Variants in TOP6BL observed in about 807,000 individuals in gnomAD.
TOP6BL encodes the protein type 2 DNA topoisomerase 6 subunit B-like.
At chr11:66,843,063 C>G in the TOP6BL span, 2 of 1,571,538 alleles carry the variant, frequency 1.3e-6, no homozygotes, top group Non-Finnish European at 1.7e-6. Context: ...TCGGAAGCCG[C>G]CTGGAGGTAA....
At chr11:66,793,812 A>G in the TOP6BL span, among the ~76,000 whole-genome samples, 1 of 151,938 alleles carries the variant, frequency 6.6e-6, no homozygotes, top group South Asian at 2.1e-4. Flanking sequence ...GTGTACTTAT[A>G]AAAAACATTA....
the TOP6BL span, chr11:66,771,494 A>G: frequency 6.6e-6 from 1 of 152,464 alleles, no homozygotes; most frequent in Non-Finnish European, 1.5e-5. Flanking sequence ...ACTTCAAGAG[A>G]TCCTCTGCAC....
chr11:66,843,198 C>T, the TOP6BL span: 7 of 1,611,076 alleles, frequency 4.3e-6, no homozygotes, highest in Non-Finnish European at 2.5e-6. Flanking sequence ...AGGTCTCCAA[C>T]CTGTCAGAGT....
At chr11:66,818,990 G>C in the TOP6BL span, among the ~76,000 whole-genome samples, 2 of 152,160 alleles carry the variant, frequency 1.3e-5, no homozygotes, top group African/African-American at 2.4e-5. Flanking sequence ...ACACAGTAAG[G>C]CTCTCCCATC....
the TOP6BL span, among the ~76,000 whole-genome samples, chr11:66,787,012 C>A: frequency 6.6e-6 from 1 of 151,686 alleles, no homozygotes; most frequent in East Asian, 1.9e-4. Context: ...TGGCTCACTG[C>A]AACCTCCACC....
chr11:66,832,909 G>T, the TOP6BL span, among the ~76,000 whole-genome samples: 1 of 152,136 alleles, frequency 6.6e-6, no homozygotes, highest in Non-Finnish European at 1.5e-5. Flanking sequence ...GTTTCTAGAG[G>T]AGAGTGCTTC....
At chr11:66,756,694 T>A in the TOP6BL span, among the ~76,000 whole-genome samples, 1 of 152,112 alleles carries the variant, frequency 6.6e-6, no homozygotes, top group East Asian at 1.9e-4. Flanking sequence ...CAGAAGATTA[T>A]CTTTTTAAAA....
chr11:66,796,429 C>G, the TOP6BL span: 1 of 1,222,038 alleles, frequency 8.2e-7, no homozygotes, highest in South Asian at 1.3e-5. Context: ...GAGACCTTTA[C>G]TGTGTAGGAC....
the TOP6BL span, among the ~76,000 whole-genome samples, chr11:66,799,549 T>TA: frequency 1.4e-4 from 17 of 118,886 alleles, no homozygotes; most frequent in South Asian, 4.3e-3. Flanking sequence ...CCATCTCTAC[T>TA]AAAAATACAA....
chr11:66,754,249 C>G, the TOP6BL span, among the ~76,000 whole-genome samples: 1 of 152,108 alleles, frequency 6.6e-6, no homozygotes, highest in Non-Finnish European at 1.5e-5. Context: ...GGAGATTTTC[C>G]CTTGCATTCT....
At chr11:66,813,218 TATC>T in the TOP6BL span, among the ~76,000 whole-genome samples, 1 of 152,236 alleles carries the variant, frequency 6.6e-6, no homozygotes, top group Non-Finnish European at 1.5e-5. Flanking sequence ...GGACAGGTAT[TATC>T]TGGATATTTG....
the TOP6BL span, among the ~76,000 whole-genome samples, chr11:66,829,466 T>G: frequency 6.6e-6 from 1 of 151,796 alleles, no homozygotes; most frequent in Non-Finnish European, 1.5e-5. Context: ...TCCCAGCTAC[T>G]TAGGAGGCTG....
the TOP6BL span, among the ~76,000 whole-genome samples, chr11:66,787,636 C>G: frequency 1.3e-5 from 2 of 149,866 alleles, no homozygotes; most frequent in Admixed American, 1.3e-4. Flanking sequence ...ATAAGCATCA[C>G]TTGAACCCAG....
chr11:66,760,378 G>A, the TOP6BL span, among the ~76,000 whole-genome samples: 2 of 151,094 alleles, frequency 1.3e-5, 1 homozygote, highest in Non-Finnish European at 3.0e-5. Flanking sequence ...GAACCCAGGA[G>A]GCAGAGGCTG....
chr11:66,839,268 C>G, the TOP6BL span: 1 of 450,446 alleles, frequency 2.2e-6, no homozygotes. Context: ...ATCCTAGGAG[C>G]TATAGGTACT....
chr11:66,750,767 A>G, the TOP6BL span, among the ~76,000 whole-genome samples: 1 of 151,774 alleles, frequency 6.6e-6, no homozygotes, highest in South Asian at 2.1e-4. Context: ...TGGCACAATC[A>G]TAGCTCACTG....
the TOP6BL span, among the ~76,000 whole-genome samples, chr11:66,826,045 G>A: frequency 0.016 from 2,435 of 152,038 alleles, 63 homozygotes; most frequent in African/African-American, 0.056. Flanking sequence ...GGGTTTCATC[G>A]TGTTAGCTAG....
the TOP6BL span, chr11:66,762,304 A>C: frequency 1.9e-5 from 8 of 425,296 alleles, no homozygotes; most frequent in Admixed American, 1.3e-4. Context: ...GGCGCCGGCC[A>C]GGAGCTGCCG....
chr11:66,777,411 A>G, the TOP6BL span, among the ~76,000 whole-genome samples: 1 of 152,206 alleles, frequency 6.6e-6, no homozygotes, highest in African/African-American at 2.4e-5. Flanking sequence ...AGTAATACGT[A>G]TAATGCATGT....
Sources: gnomAD v4.1 joint callset for allele counts (sites outside exome capture counted in the v4.1 genomes callset) on GRCh38, gnomAD v4.1.1 for gene constraint, MANE v1.5 for transcripts, NCBI Gene and HGNC (gene_info 2026-07-23, HGNC 2026-07-21) for gene names.